NCKAP5: variants seen among roughly 807,000 people sequenced by gnomAD.
NCKAP5 encodes nck-associated protein 5.
Under a neutral mutation model 167.0 loss-of-function variants are expected in NCKAP5, and 92 were observed. That is an observed-to-expected ratio of 0.55 (90% CI 0.47 to 0.66). NCKAP5 has a LOEUF of 0.66. Among genes scored for constraint, NCKAP5 ranks in the 30% least tolerant of loss-of-function variants. The pLI is 0.00. For synonymous variants in NCKAP5, 891 were observed against 877.4 expected, an observed-to-expected ratio of 1.02 and a Z score of -0.27; for missense variants, 2,378 against 2,315.0, an observed-to-expected ratio of 1.03 and a Z score of -0.56.
intron 3 of NCKAP5, among the ~76,000 whole-genome samples, chr2:133,369,114 T>C (rs964568509): frequency 6.6e-6 from 1 of 152,062 alleles, no homozygotes; most frequent in Non-Finnish European, 1.5e-5. Flanking sequence ...AATAAGAGGA[T>C]GATTTAGAAA....
At chr2:132,817,248 A>G (rs1230919097) in intron 11 of NCKAP5, among the ~76,000 whole-genome samples, 2 of 152,178 alleles carry the variant, frequency 1.3e-5, no homozygotes, top group East Asian at 3.9e-4. Flanking sequence ...GCAGTTCTCA[A>G]TACCATCTCA....
At chr2:132,734,628 C>T (rs940287715) in intron 16 of NCKAP5, among the ~76,000 whole-genome samples, 14 of 151,980 alleles carry the variant, frequency 9.2e-5, no homozygotes, top group Non-Finnish European at 1.6e-4. Flanking sequence ...GTGCTTATTA[C>T]AGCTATTAGG....
At chr2:133,466,709 T>C (rs964897093) in intron 3 of NCKAP5, among the ~76,000 whole-genome samples, 36 of 152,354 alleles carry the variant, frequency 2.4e-4, no homozygotes, top group African/African-American at 8.2e-4. Context: ...GTAATTCTCC[T>C]GGAAGAAGTC....
At chr2:133,598,996 A>G in the NCKAP5 span, among the ~76,000 whole-genome samples, 1 of 152,136 alleles carries the variant, frequency 6.6e-6, no homozygotes, top group Admixed American at 6.5e-5. Context: ...ATCACATGGC[A>G]TTCTCCCCGT....
Position 132,858,602 on chromosome 2 carries a change from G to C in NCKAP5, c.807+1890C>G, listed in dbSNP as rs951508960. On this transcript the variant is annotated intron_variant, in intron 11 of 19. Transcript: ENST00000409261. ...GATTATGAGCTCCAAGATGTTAAGA[G>C]GGCAGGTATCACACTTTATATCATT... is the stretch of plus-strand genomic sequence containing the variant. Among the ~76,000 whole-genome samples, 4 of 152,262 alleles carry C rather than the reference G, an allele frequency of 2.6e-5. No individual in the cohort carries two copies. In the South Asian group the frequency reaches 8.3e-4, roughly 32 times the overall value.
intron 4 of NCKAP5, among the ~76,000 whole-genome samples, chr2:133,269,745 C>A (rs905838150): frequency 6.6e-6 from 1 of 152,068 alleles, no homozygotes; most frequent in Non-Finnish European, 1.5e-5. Flanking sequence ...CACTCTGGCT[C>A]CCATGTTGAG....
intron 6 of NCKAP5, among the ~76,000 whole-genome samples, chr2:133,028,857 T>C (rs2078782992): frequency 6.6e-6 from 1 of 152,170 alleles, no homozygotes; most frequent in South Asian, 2.1e-4. Context: ...CTCTTGGTGC[T>C]GTTCTCATGA....
the NCKAP5 span, among the ~76,000 whole-genome samples, chr2:133,585,046 T>G: frequency 2.0e-5 from 3 of 151,764 alleles, no homozygotes; most frequent in Middle Eastern, 3.4e-3. Flanking sequence ...AAAAAGAGGG[T>G]AATTGTGAGA....
chr2:133,550,743 GC>G (rs1463972072), intron 2 of NCKAP5, among the ~76,000 whole-genome samples: 1 of 131,330 alleles, frequency 7.6e-6, no homozygotes, highest in African/African-American at 2.9e-5. Flanking sequence ...GGAAGTTCTG[GC>G]CAGGGCAATC....
At chr2:132,724,168 G>C (rs1177792308) in intron 19 of NCKAP5, among the ~76,000 whole-genome samples, 1 of 152,042 alleles carries the variant, frequency 6.6e-6, no homozygotes, top group African/African-American at 2.4e-5. Context: ...TCTTGGTGAG[G>C]CTCCTTCTGA....
chr2:133,329,529 G>A (rs1012257835), intron 3 of NCKAP5, among the ~76,000 whole-genome samples: 1 of 152,072 alleles, frequency 6.6e-6, no homozygotes, highest in Admixed American at 6.6e-5. Context: ...ACAAAAGTGG[G>A]GGGTATTGAA....
chr2:132,997,414 A>G (rs1458692600), intron 6 of NCKAP5, among the ~76,000 whole-genome samples: 1 of 152,200 alleles, frequency 6.6e-6, no homozygotes, highest in South Asian at 2.1e-4. Flanking sequence ...ATTTTCACAA[A>G]TCTTATGTTA....
At chr2:133,619,378 G>C in the NCKAP5 span, among the ~76,000 whole-genome samples, 1 of 151,742 alleles carries the variant, frequency 6.6e-6, no homozygotes, top group Non-Finnish European at 1.5e-5. Flanking sequence ...CAGCGAAACA[G>C]AAAGCATAAA....
chr2:133,186,961 C>A (rs1015535741), intron 5 of NCKAP5, among the ~76,000 whole-genome samples: 2 of 151,768 alleles, frequency 1.3e-5, no homozygotes, highest in Non-Finnish European at 2.9e-5. Flanking sequence ...TCATTCAGTT[C>A]TTCTCTGATT....
intron 6 of NCKAP5, among the ~76,000 whole-genome samples, chr2:133,092,437 C>A (rs1302346128): frequency 6.6e-6 from 1 of 152,154 alleles, no homozygotes; most frequent in African/African-American, 2.4e-5. Context: ...TCAGCCCTGC[C>A]AGCACCTTGA....
intron 3 of NCKAP5, among the ~76,000 whole-genome samples, chr2:133,303,582 A>G (rs1680560295): frequency 6.6e-6 from 1 of 152,296 alleles, no homozygotes; most frequent in African/African-American, 2.4e-5. Context: ...ACTTGTATAC[A>G]CTAATGGACA....
At chr2:133,470,626 A>T (rs1655889200) in intron 3 of NCKAP5, among the ~76,000 whole-genome samples, 1 of 152,124 alleles carries the variant, frequency 6.6e-6, no homozygotes, top group Admixed American at 6.5e-5. Context: ...GCCGCCTTGC[A>T]GTTTGATCTC....
At chr2:133,051,488 T>G (rs2079605922) in intron 6 of NCKAP5, among the ~76,000 whole-genome samples, 1 of 152,242 alleles carries the variant, frequency 6.6e-6, no homozygotes, top group South Asian at 2.1e-4. Context: ...AAGATTCACT[T>G]GGTCAAAATT....
At chr2:133,310,619 A>C (rs1159626432) in intron 3 of NCKAP5, among the ~76,000 whole-genome samples, 1 of 152,218 alleles carries the variant, frequency 6.6e-6, no homozygotes, top group African/African-American at 2.4e-5. Context: ...CTGCAGGTCC[A>C]ATCCTGTGAG....
Sources: gnomAD v4.1 joint callset for allele counts (sites outside exome capture counted in the v4.1 genomes callset) on GRCh38, gnomAD v4.1.1 for gene constraint, MANE v1.5 for transcripts, NCBI Gene and HGNC (gene_info 2026-07-23, HGNC 2026-07-21) for gene names.